PTP4A3: variants seen among roughly 807,000 people sequenced by gnomAD.
PTP4A3 encodes protein tyrosine phosphatase type IVA 3.
Under a neutral mutation model 15.2 loss-of-function variants are expected in PTP4A3, and 9 were observed. The observed-to-expected ratio is 0.59, with a 90% CI of 0.36 to 1.03. The LOEUF is 1.03. Among genes scored for constraint, PTP4A3 ranks in the 50% least tolerant of loss-of-function variants. The pLI is 0.02. For missense variants in PTP4A3, 234 were observed against 252.1 expected (o/e 0.93, Z 0.49); for synonymous variants, 95 against 102.0 (o/e 0.93, Z 0.41).
intron 1 of PTP4A3, among the ~76,000 whole-genome samples, chr8:141,405,605 A>G (rs1345241106): frequency 1.3e-5 from 2 of 152,194 alleles, no homozygotes; most frequent in East Asian, 3.8e-4. Context: ...ATGTTCACAC[A>G]TCCACTGAGC....
intron 1 of PTP4A3, among the ~76,000 whole-genome samples, chr8:141,402,918 G>T (rs1001170043): frequency 6.6e-6 from 1 of 152,136 alleles, no homozygotes; most frequent in South Asian, 2.1e-4. Context: ...CAGCCCGGGG[G>T]CTTGTTTGTT....
chr8:141,418,760 T>G (rs1268553826), intron 1 of PTP4A3, among the ~76,000 whole-genome samples: 1 of 152,096 alleles, frequency 6.6e-6, no homozygotes, highest in Non-Finnish European at 1.5e-5. Flanking sequence ...CTGTCCCCAT[T>G]TCGCAGATGG....
At chr8:141,399,231 C>A (rs1832526080) in intron 1 of PTP4A3, among the ~76,000 whole-genome samples, 2 of 152,230 alleles carry the variant, frequency 1.3e-5, no homozygotes, top group Non-Finnish European at 2.9e-5. Flanking sequence ...ACTCTGGCAT[C>A]TTCTACTGAT....
At chr8:141,426,389 G>T (rs1415127215) in intron 3 of PTP4A3, 1 of 966,430 alleles carries the variant, frequency 1.0e-6, no homozygotes, top group Non-Finnish European at 1.2e-6. Flanking sequence ...CAATGGGCCG[G>T]GGCCCGGTGG....
intron 1 of PTP4A3, among the ~76,000 whole-genome samples, chr8:141,414,305 T>G (rs956333189): frequency 6.6e-6 from 1 of 152,188 alleles, no homozygotes; most frequent in African/African-American, 2.4e-5. Context: ...CCCTGAGATT[T>G]GTATCCTCCC....
Position 141,398,908 on chromosome 8 carries a change from ACCT to A in PTP4A3, c.-854+6826_-854+6828del, listed in dbSNP as rs1304431718. ...GGCCTCGTCCTCACCCGCCACGGAG[ACCT>A]CGAAGCCAGGCCTGGCCCAGCTAGA... On this transcript the variant is annotated intron_variant, in intron 1 of 5. Coordinates refer to ENST00000521578, the MANE Select transcript of PTP4A3 (RefSeq NM_032611.3). 5.9e-5 allele frequency among the ~76,000 whole-genome samples: 9 copies of A among 151,774 alleles called. No individual in the cohort carries two copies. In the East Asian group the frequency reaches 1.8e-3, roughly 30 times the overall value.
At chr8:141,393,754 T>C (rs1226726951) in intron 1 of PTP4A3, among the ~76,000 whole-genome samples, 1 of 151,846 alleles carries the variant, frequency 6.6e-6, no homozygotes, top group Non-Finnish European at 1.5e-5. Context: ...GCCCAGAACA[T>C]GGTGAGGGTG....
intron 1 of PTP4A3, among the ~76,000 whole-genome samples, chr8:141,420,049 C>T (rs1346013548): frequency 6.6e-6 from 1 of 152,188 alleles, no homozygotes; most frequent in Non-Finnish European, 1.5e-5. Context: ...AGGCCTCAAG[C>T]CCTACCTGCA....
At position 141,406,439 on chromosome 8, in the gene PTP4A3, C is replaced by T. The variant is rs939983746; in HGVS notation, c.-854+14355C>T. ...GTCCTCTTTCTGCTGCCACCCAGAG[C>T]CCGCCCTTTCCGGAGAGCAGTTCCC... On this transcript the variant is annotated intron_variant, in intron 1 of 5. Transcript: ENST00000521578. The surrounding 1 kb of genome is among the most constrained non-coding windows in gnomAD (Gnocchi z 4.5). Among the ~76,000 whole-genome samples, 3 of 152,162 alleles carry T rather than the reference C, an allele frequency of 2.0e-5. No individual in the cohort carries two copies. The East Asian group carries it at 5.8e-4, about 29-fold the overall frequency.
At chr8:141,428,982 G>A (rs903731489) in intron 5 of PTP4A3, among the ~76,000 whole-genome samples, 1 of 152,236 alleles carries the variant, frequency 6.6e-6, no homozygotes, top group Non-Finnish European at 1.5e-5. Flanking sequence ...ACGTCTCACC[G>A]AGCAAGGGCT....
At chr8:141,393,244 C>G (rs938036625) in intron 1 of PTP4A3, among the ~76,000 whole-genome samples, 1 of 152,340 alleles carries the variant, frequency 6.6e-6, no homozygotes, top group African/African-American at 2.4e-5. Context: ...CCCTAGCCTG[C>G]GGGGCTAAGC....
chr8:141,418,178 C>T (rs1255151556), intron 1 of PTP4A3, among the ~76,000 whole-genome samples: 1 of 152,154 alleles, frequency 6.6e-6, no homozygotes. Flanking sequence ...ACTGGTTCCC[C>T]GGGACTCCCC....
In PTP4A3 at chr8:141,425,168, T is replaced by G. The variant is rs763224469; in HGVS notation, c.198+28T>G. ...GAGGCGCGCGCCACGGGGACCCTAG[T>G]CACTGCTGCCACCGGGGGAGGGTGG... On this transcript the variant is annotated intron_variant, in intron 3 of 5. Coordinates refer to ENST00000521578, the MANE Select transcript of PTP4A3 (RefSeq NM_032611.3). The surrounding 1 kb of genome is among the most constrained non-coding windows in gnomAD (Gnocchi z 4.2). 1 of 565,946 alleles carries G rather than the reference T, an allele frequency of 1.8e-6. No individual in the cohort carries two copies. The highest frequency in any genetic ancestry group is 2.0e-5 in the Admixed American group (1 of 50,270). The allele number at this position is 565,946 out of a possible 1,614,324, so 35.1% of individuals were successfully genotyped here.
chr8:141,416,666 G>C (rs1424619008), intron 1 of PTP4A3, among the ~76,000 whole-genome samples: 1 of 152,130 alleles, frequency 6.6e-6, no homozygotes, highest in East Asian at 1.9e-4. Context: ...GGCAGGCAGG[G>C]CTACCTGGCT....
intron 2 of PTP4A3, 69 bp from the exon 3 acceptor site, chr8:141,424,979 G>A (rs1158745529): frequency 7.5e-6 from 10 of 1,338,564 alleles, no homozygotes; most frequent in Non-Finnish European, 1.1e-5. Context: ...GAGCCCTGGT[G>A]AGTGGGTCCT....
At chr8:141,401,464 A>C (rs1832587854) in intron 1 of PTP4A3, among the ~76,000 whole-genome samples, 1 of 152,108 alleles carries the variant, frequency 6.6e-6, no homozygotes. Context: ...CCCCCCGGCC[A>C]TGTCGGAGGC....
chr8:141,421,986 T>C lies in PTP4A3; in HGVS notation c.-255T>C, dbSNP rs1833352892. ...GGGTTGGGGGGGGCGGCGGGCTGTT[T>C]TGTTCCTTTTCTTTTTTAAGAGTTG... On this transcript the variant is annotated 5_prime_UTR_variant, in exon 2 of 6. Coordinates refer to ENST00000521578, the MANE Select transcript of PTP4A3 (RefSeq NM_032611.3). 1 of 469,364 alleles carries C rather than the reference T, an allele frequency of 2.1e-6. No homozygotes were observed. Among genetic ancestry groups the C allele is most frequent in the South Asian group, 3.2e-5 (1 of 30,954 alleles). 29.1% of individuals were successfully genotyped at this position (469,364 alleles called of 1,614,324 possible).
At chr8:141,405,069 G>A (rs539065821) in intron 1 of PTP4A3, among the ~76,000 whole-genome samples, 2 of 152,304 alleles carry the variant, frequency 1.3e-5, no homozygotes, top group South Asian at 4.1e-4. Flanking sequence ...GTCAGTCAAC[G>A]CTCCCTGTCT....
chr8:141,422,182 T>C lies in PTP4A3; in HGVS notation c.-59T>C. The C allele has an allele frequency of 1.3e-6, 2 of 1,536,728 alleles. No homozygotes were observed. Among genetic ancestry groups the C allele is most frequent in the South Asian group, 2.2e-5 (2 of 89,134 alleles). ...TGGGGGTGTGTGGGGACTTCTCAGG[T>C]CGTGTCCCCAGCCTTCTCTGCAGTC... On this transcript the variant is annotated 5_prime_UTR_variant, in exon 2 of 6. Transcript: ENST00000521578.
Sources: gnomAD v4.1 joint callset for allele counts (sites outside exome capture counted in the v4.1 genomes callset) on GRCh38, gnomAD v4.1.1 for gene constraint, Gnocchi (gnomAD v3.1) non-coding constraint, MANE v1.5 for transcripts, NCBI Gene and HGNC (gene_info 2026-07-23, HGNC 2026-07-21) for gene names.